FECH: variants seen among roughly 807,000 people sequenced by gnomAD.
FECH encodes the protein ferrochelatase.
FECH carries 40 observed loss-of-function variants against 56.9 expected under a neutral mutation model. The ratio of observed to expected loss-of-function variants is 0.70; its 90% confidence interval spans 0.55 to 0.92. The LOEUF (loss-of-function observed/expected upper bound fraction) is 0.92, where lower values mean the gene tolerates loss of function less well. Among genes scored for constraint, FECH ranks in the 40% least tolerant of loss-of-function variants. The probability of loss-of-function intolerance (pLI) is 0.00; values close to 1 mark genes in which losing one functional copy is unlikely to be tolerated. For missense variants in FECH, 431 were observed against 529.1 expected, an observed-to-expected ratio of 0.81 and a Z score of 1.82; for synonymous variants, 175 against 198.6, an observed-to-expected ratio of 0.88 and a Z score of 1.00.
chr18:57,565,343 C>T (rs771757746), intron 5 of FECH, among the ~76,000 whole-genome samples: 1 of 152,160 alleles, frequency 6.6e-6, no homozygotes, highest in Non-Finnish European at 1.5e-5. Flanking sequence ...CGGTGGCTCA[C>T]GCCTGTAATC....
intron 4 of FECH, among the ~76,000 whole-genome samples, chr18:57,568,188 C>T (rs1475770108): frequency 1.3e-5 from 2 of 152,088 alleles, no homozygotes; most frequent in African/African-American, 4.8e-5. Context: ...GAATGACATC[C>T]CCAGTGCTGC....
intron 6 of FECH, among the ~76,000 whole-genome samples, chr18:57,562,033 T>G (rs1431495259): frequency 6.6e-6 from 1 of 152,188 alleles, no homozygotes. Context: ...CACCATCTAG[T>G]GGTCACAGAT....
chr18:57,560,296 CACAT>C (rs2050926597), intron 6 of FECH, among the ~76,000 whole-genome samples: 1 of 152,158 alleles, frequency 6.6e-6, no homozygotes, highest in Non-Finnish European at 1.5e-5. Flanking sequence ...CAGACACACA[CACAT>C]ACATACACAC....
chr18:57,566,151 A>G (rs1386597112), intron 5 of FECH, among the ~76,000 whole-genome samples: 1 of 152,256 alleles, frequency 6.6e-6, no homozygotes, highest in African/African-American at 2.4e-5. Context: ...AAACCCAGAA[A>G]GAGCCTTAAG....
At position 57,550,696 on chromosome 18, in the gene FECH, G is replaced by T; in HGVS notation, c.*16C>A. ...GTTGGGCATTTGCCTAACGCCACGGGGTCCACCGGCGGGGGTCACAGCTGC... is the reference window on the plus strand; with the variant it reads ...GTTGGGCATTTGCCTAACGCCACGGTGTCCACCGGCGGGGGTCACAGCTGC... On this transcript the variant is annotated 3_prime_UTR_variant, in exon 11 of 11. Coordinates refer to ENST00000262093, the MANE Select transcript of FECH (RefSeq NM_000140.5). The T allele has an allele frequency of 6.2e-7, 1 of 1,613,940 alleles. No individual in the cohort carries two copies. Among genetic ancestry groups the T allele is most frequent in the African/African-American group, 1.3e-5 (1 of 75,032 alleles).
At position 57,547,929 on chromosome 18, in the gene FECH, C is replaced by A. The variant is rs1481598793; in HGVS notation, c.*2783G>T. Among the ~76,000 whole-genome samples, 1 of 152,154 alleles carries A rather than the reference C, an allele frequency of 6.6e-6. No individual in the cohort carries two copies. Among genetic ancestry groups the A allele is most frequent in the Non-Finnish European group, 1.5e-5 (1 of 68,016 alleles). On this transcript the variant is annotated 3_prime_UTR_variant, in exon 11 of 11. Transcript: ENST00000262093. ...GGAATTACACATGTAAGGCACGGCA[C>A]CCAGCCTCACATTTAAAGGGCTTTT...
chr18:57,550,344 C>A lies in FECH; in HGVS notation c.*368G>T. The stretch of plus-strand genomic sequence containing the variant: ...ACTAAACAGATCTCATTCACACTGC[C>A]AGCCCACAGAGGGGACTCTCCGTAC... On this transcript the variant is annotated 3_prime_UTR_variant, in exon 11 of 11. Transcript: ENST00000262093. The A allele has an allele frequency of 4.2e-6, 1 of 236,634 alleles. No individual in the cohort carries two copies. The highest frequency in any genetic ancestry group is 8.5e-6 in the Non-Finnish European group (1 of 118,058). 14.7% of individuals were successfully genotyped at this position (236,634 alleles called of 1,614,324 possible). A position where few individuals can be genotyped will look rare whatever the true frequency, so the allele number is the denominator to read the frequency against.
intron 7 of FECH, among the ~76,000 whole-genome samples, chr18:57,556,636 C>T (rs11663133): frequency 0.068 from 10,367 of 152,122 alleles, 407 homozygotes; most frequent in South Asian, 0.15. Flanking sequence ...TGTGGTGGGG[C>T]GTGGCGCCTC....
intron 2 of FECH, among the ~76,000 whole-genome samples, chr18:57,574,196 G>A (rs146745412): frequency 6.6e-6 from 1 of 152,050 alleles, no homozygotes; most frequent in South Asian, 2.1e-4. Context: ...GTTTCGCCAT[G>A]TTGGCCAGGC....
intron 3 of FECH, among the ~76,000 whole-genome samples, chr18:57,572,178 A>C (rs537419147): frequency 1.3e-5 from 2 of 152,326 alleles, no homozygotes; most frequent in East Asian, 3.9e-4. Context: ...GAACCAACCC[A>C]AATGTCCATC....
chr18:57,559,812 T>C (rs1295846441), intron 6 of FECH, among the ~76,000 whole-genome samples: 2 of 152,190 alleles, frequency 1.3e-5, no homozygotes, highest in African/African-American at 4.8e-5. Flanking sequence ...ACACACCCAT[T>C]AAATTCACAG....
At chr18:57,571,269 G>A in intron 4 of FECH, 123 bp downstream of exon 4, 1 of 1,028,368 alleles carries the variant, frequency 9.7e-7, no homozygotes, top group Non-Finnish European at 1.5e-6. Flanking sequence ...CATGTATTAT[G>A]TAGAAACACC....
At chr18:57,582,025 T>C (rs2051286420) in intron 1 of FECH, among the ~76,000 whole-genome samples, 1 of 147,208 alleles carries the variant, frequency 6.8e-6, no homozygotes, top group East Asian at 2.0e-4. Flanking sequence ...AAAAATTCAA[T>C]TCCAAGGCTC....
Position 57,550,655 on chromosome 18 carries a change from T to TC in FECH, c.*56dup. 1 of 1,610,574 alleles carries TC rather than the reference T, an allele frequency of 6.2e-7. No individual in the cohort carries two copies. ...ATCTCTAAATAACACCCTCTCCACATCGGAGGTATCTGGAGGTTGGGCATT... is the reference window on the plus strand; with the variant it reads ...ATCTCTAAATAACACCCTCTCCACATCCGGAGGTATCTGGAGGTTGGGCATT... On this transcript the variant is annotated 3_prime_UTR_variant, in exon 11 of 11. Transcript: ENST00000262093.
intron 2 of FECH, among the ~76,000 whole-genome samples, chr18:57,574,643 C>A (rs558689330): frequency 2.6e-4 from 39 of 152,400 alleles, no homozygotes; most frequent in African/African-American, 9.1e-4. Context: ...GCTCCCCACT[C>A]CTAAGCCCCG....
At chr18:57,565,694 A>G (rs1364748963) in intron 5 of FECH, among the ~76,000 whole-genome samples, 1 of 152,240 alleles carries the variant, frequency 6.6e-6, no homozygotes, top group East Asian at 1.9e-4. Flanking sequence ...ACTTTTTCCA[A>G]TAGCCTTTTG....
chr18:57,558,927 A>G (rs544792576), intron 7 of FECH, among the ~76,000 whole-genome samples: 1 of 151,920 alleles, frequency 6.6e-6, no homozygotes. Context: ...TTTCAAAAAA[A>G]AGAAAAGAGG....
rs553190693 is a variant in FECH at position 57,586,587 on chromosome 18, G to A, written c.34C>T (p.Leu12=). The change falls in exon 1 of 11, where the codon CTG becomes TTG. Residue 12 remains leucine, a synonymous_variant. Transcript: ENST00000262093. ...CGGAGCAGGACGCCCGCGGCGCGCA[G>A]GGCCGCAGCCATGTTTGCGCCGAGT... The part of the protein sequence containing the change: ...RSLGANMAAA[L]RAAGVLLRDP... 516 of 1,523,010 alleles carry A rather than the reference G, an allele frequency of 3.4e-4. 2 individuals are homozygous for A. Among genetic ancestry groups the A allele is most frequent in the South Asian group, 5.8e-4 (48 of 82,624 alleles). The allele number at this position is 1,523,010 out of a possible 1,614,324, so 94.3% of individuals were successfully genotyped here. A position where few individuals can be genotyped will look rare whatever the true frequency, so the allele number is the denominator to read the frequency against.
chr18:57,572,118 T>C (rs1258214078), intron 3 of FECH, among the ~76,000 whole-genome samples: 1 of 152,146 alleles, frequency 6.6e-6, no homozygotes, highest in Non-Finnish European at 1.5e-5. Context: ...TATAACGTTA[T>C]GAAACAAGAT....
Sources: allele counts gnomAD v4.1 joint callset (sites outside exome capture counted in the v4.1 genomes callset), GRCh38; gene constraint gnomAD v4.1.1; transcripts MANE v1.5; gene names NCBI Gene and HGNC (gene_info 2026-07-23, HGNC 2026-07-21).